ZFPM1: variants seen among roughly 807,000 people sequenced by gnomAD.
The protein encoded by ZFPM1 is zinc finger protein, FOG family member 1, also known as zinc finger protein ZFPM1.
ZFPM1 carries 28 observed loss-of-function variants against 46.3 expected under a neutral mutation model. The ratio of observed to expected loss-of-function variants is 0.60; its 90% CI spans 0.45 to 0.83. The LOEUF (loss-of-function observed/expected upper bound fraction) is 0.83, where lower values mean the gene tolerates loss of function less well. Ranked by LOEUF, ZFPM1 falls within the 40% of genes least tolerant of loss-of-function variation. ZFPM1 has a pLI of 0.00. For synonymous variants in ZFPM1, 957 were observed against 675.9 expected (o/e 1.42, Z -6.45); for missense variants, 1,878 against 1,432.4 (o/e 1.31, Z -5.02).
rs986205472 is a variant in ZFPM1 at position 88,531,854 on chromosome 16, T to C, written c.713-148T>C. 70 of 715,226 alleles carry C rather than the reference T, an allele frequency of 9.8e-5. No individual in the cohort carries two copies. In the African/African-American group the frequency reaches 1.2e-3, roughly 12 times the overall value. The allele number at this position is 715,226 out of a possible 1,614,324, so 44.3% of individuals were successfully genotyped here. Reference sequence around the variant, plus strand: ...CTGTCACAGGACCATCCAGGAGGCTTACAGTTACAGGAAGGGGTCAAAGCC... The same window carrying C: ...CTGTCACAGGACCATCCAGGAGGCTCACAGTTACAGGAAGGGGTCAAAGCC... On this transcript the variant is annotated intron_variant, in intron 6 of 9. Transcript: ENST00000319555.
Position 88,533,650 on chromosome 16 carries a change from CGCGCA to C in ZFPM1, c.1694_1698del (p.Ala565AspfsTer105). On this transcript the variant is annotated frameshift_variant, in exon 10 of 10. Coordinates refer to ENST00000319555, the MANE Select transcript of ZFPM1 (RefSeq NM_153813.3). LOFTEE classifies it low-confidence loss of function (END_TRUNC). ...AGGGCGCGGGCGCGGGCGCCGGCGG[CGCGCA>C]GACCGGGCTCTTCCCCGGGGCCCCC... The C allele has an allele frequency of 6.8e-7, 1 of 1,466,136 alleles. No individual in the cohort carries two copies. Among genetic ancestry groups the C allele is most frequent in the Non-Finnish European group, 9.0e-7 (1 of 1,106,344 alleles). The allele number at this position is 1,466,136 out of a possible 1,614,324, so 90.8% of individuals were successfully genotyped here.
chr16:88,479,019 T>G (rs1597237923), intron 1 of ZFPM1, among the ~76,000 whole-genome samples: 1 of 151,984 alleles, frequency 6.6e-6, no homozygotes, highest in East Asian at 1.9e-4. Flanking sequence ...AGTGGGTAGG[T>G]GGGTAGGCAC....
rs866680227 is a variant in ZFPM1, at chr16:88,502,445, C to T, written c.269-11942C>T. 5.4e-4 allele frequency among the ~76,000 whole-genome samples: 82 copies of T among 152,294 alleles called. 1 individual carries two copies. In the Middle Eastern group the frequency reaches 0.02, roughly 38 times the overall value. The stretch of plus-strand genomic sequence containing the variant: ...TGCTTGCCCCTCCATGTCCCCCAAC[C>T]CCGTCCCTGTGCCCTGTGGGCCGCC... On this transcript the variant is annotated intron_variant, in intron 3 of 9. Coordinates refer to ENST00000319555, the MANE Select transcript of ZFPM1 (RefSeq NM_153813.3).
At chr16:88,489,627 A>C (rs897461907) in intron 3 of ZFPM1, among the ~76,000 whole-genome samples, 1 of 152,178 alleles carries the variant, frequency 6.6e-6, no homozygotes, top group Non-Finnish European at 1.5e-5. Flanking sequence ...GCTGCAGCCT[A>C]TGGGGACGGA....
chr16:88,458,916 C>T (rs1465443611), intron 1 of ZFPM1, among the ~76,000 whole-genome samples: 1 of 152,214 alleles, frequency 6.6e-6, no homozygotes. Context: ...AGTCCCGCCA[C>T]TCTGGATGCG....
At chr16:88,472,354 CT>C (rs761646874) in intron 1 of ZFPM1, among the ~76,000 whole-genome samples, 2,933 of 133,306 alleles carry the variant, frequency 0.022, 62 homozygotes, top group African/African-American at 0.075. Context: ...TTTGAATTTT[CT>C]TTTTTTTTTT....
At chr16:88,503,327 G>A (rs1400338188) in intron 3 of ZFPM1, among the ~76,000 whole-genome samples, 3 of 146,450 alleles carry the variant, frequency 2.0e-5, no homozygotes, top group African/African-American at 7.6e-5. Flanking sequence ...GTTCCTGAGT[G>A]GAGGGATCTG....
At chr16:88,458,887 A>T (rs930628751) in intron 1 of ZFPM1, among the ~76,000 whole-genome samples, 6 of 152,178 alleles carry the variant, frequency 3.9e-5, no homozygotes, top group Admixed American at 3.9e-4. Flanking sequence ...CAAAGGGGTC[A>T]TCTGCGCCCT....
At chr16:88,499,711 C>G (rs187030090) in intron 3 of ZFPM1, among the ~76,000 whole-genome samples, 130 of 152,310 alleles carry the variant, frequency 8.5e-4, no homozygotes, top group African/African-American at 3.1e-3. Context: ...TCCCCATTCA[C>G]AGATGGGAAA....
intron 1 of ZFPM1, among the ~76,000 whole-genome samples, chr16:88,458,015 C>T (rs1907634051): frequency 6.6e-6 from 1 of 152,150 alleles, no homozygotes; most frequent in Admixed American, 6.5e-5. Context: ...GCTTAAGAGC[C>T]CTCTCTGTGC....
intron 3 of ZFPM1, among the ~76,000 whole-genome samples, chr16:88,494,984 T>C (rs1909852943): frequency 6.6e-6 from 1 of 152,252 alleles, no homozygotes; most frequent in Non-Finnish European, 1.5e-5. Flanking sequence ...CTTAAGATTC[T>C]GCTATGCAAA....
chr16:88,482,554 G>T (rs1225632157), intron 1 of ZFPM1, among the ~76,000 whole-genome samples: 2 of 152,160 alleles, frequency 1.3e-5, no homozygotes, highest in Admixed American at 1.3e-4. Context: ...CTCCCTGGGT[G>T]TCTGAGGCCC....
Position 88,469,766 on chromosome 16 carries a change from AAG to A in ZFPM1, c.40+16091_40+16092del, listed in dbSNP as rs772621775. Among the ~76,000 whole-genome samples, 26 of 152,114 alleles carry A rather than the reference AAG, an allele frequency of 1.7e-4. No homozygotes were observed. The highest frequency in any genetic ancestry group is 3.1e-4 in the Non-Finnish European group (21 of 67,958). ...AAAATAGTGGCGGGGCGAGGAGAGA[AAG>A]AGTCTGGGCTGAGATCTAAGGAGAG... On this transcript the variant is annotated intron_variant, in intron 1 of 9. Coordinates refer to ENST00000319555, the MANE Select transcript of ZFPM1 (RefSeq NM_153813.3). The surrounding 1 kb of genome is among the most constrained non-coding windows in gnomAD (Gnocchi z 4.3).
At chr16:88,454,254 G>T (rs528598981) in intron 1 of ZFPM1, among the ~76,000 whole-genome samples, 1 of 152,288 alleles carries the variant, frequency 6.6e-6, no homozygotes, top group South Asian at 2.1e-4. Context: ...TCGCAGAGCC[G>T]CAGGACAGGG....
intron 1 of ZFPM1, among the ~76,000 whole-genome samples, chr16:88,460,782 G>A (rs1398643959): frequency 2.0e-5 from 3 of 152,216 alleles, no homozygotes; most frequent in Admixed American, 6.5e-5. Context: ...CCCTGGTCCC[G>A]CGTCAGGAAG....
In ZFPM1 at chr16:88,490,702, A is replaced by T. The variant is rs565329794; in HGVS notation, c.268+1549A>T. Among the ~76,000 whole-genome samples, 7 of 152,252 alleles carry T rather than the reference A, an allele frequency of 4.6e-5. No individual in the cohort carries two copies. In the South Asian group the frequency reaches 1.5e-3, roughly 32 times the overall value. ...CACAGAGAGAGGGGTGGGCCTGGGC[A>T]GCCGCAGCCAGGAGGATGACCCGGC... On this transcript the variant is annotated intron_variant, in intron 3 of 9. Transcript: ENST00000319555.
chr16:88,489,382 C>A, intron 3 of ZFPM1: 1 of 568,556 alleles, frequency 1.8e-6, no homozygotes, highest in Non-Finnish European at 2.9e-6. Context: ...CAAGGAAGCG[C>A]TGGGGGGTTC....
At position 88,534,220 on chromosome 16, in the gene ZFPM1, C is replaced by T. The variant is rs1452482207; in HGVS notation, c.2262C>T (p.Ala754=). 5 of 982,706 alleles carry T rather than the reference C, an allele frequency of 5.1e-6. No homozygotes were observed. The highest frequency in any genetic ancestry group is 1.1e-4 in the East Asian group (1 of 8,710). The allele number at this position is 982,706 out of a possible 1,614,324, so 60.9% of individuals were successfully genotyped here. A position where few individuals can be genotyped will look rare whatever the true frequency, so the allele number is the denominator to read the frequency against. Residue 754 remains alanine (A), a synonymous_variant, in exon 10 of 10, where the codon GCC becomes GCT. Coordinates refer to ENST00000319555, the MANE Select transcript of ZFPM1 (RefSeq NM_153813.3). The part of the protein sequence containing the change: ...RKLYELHAAG[A]PPPPPPGHAP... ...TCTACGAGCTGCACGCGGCCGGCGC[C>T]CCGCCCCCCCCGCCGCCCGGCCACG...
At chr16:88,492,372 G>A (rs1210564154) in intron 3 of ZFPM1, among the ~76,000 whole-genome samples, 1 of 152,196 alleles carries the variant, frequency 6.6e-6, no homozygotes, top group East Asian at 1.9e-4. Context: ...AACCTGGCCT[G>A]GGGCCCTGTT....
Sources: gnomAD v4.1 joint callset for allele counts (sites outside exome capture counted in the v4.1 genomes callset) on GRCh38, gnomAD v4.1.1 for gene constraint, Gnocchi (gnomAD v3.1) non-coding constraint, MANE v1.5 for transcripts, NCBI Gene and HGNC (gene_info 2026-07-23, HGNC 2026-07-21) for gene names.